Variants in RPH3A observed in about 807,000 individuals in gnomAD.
RPH3A encodes the protein rabphilin-3A.
Under a neutral mutation model 102.2 loss-of-function variants are expected in RPH3A, and 48 were observed. The ratio of observed to expected loss-of-function variants is 0.47; its 90% CI spans 0.37 to 0.60. RPH3A has a LOEUF of 0.60. Among genes scored for constraint, RPH3A ranks in the 20% least tolerant of loss-of-function variants. RPH3A has a pLI of 0.00. For missense variants in RPH3A, 781 were observed against 910.1 expected (o/e 0.86, Z 1.83); for synonymous variants, 310 against 324.3 (o/e 0.96, Z 0.47).
intron 1 of RPH3A, among the ~76,000 whole-genome samples, chr12:112,627,884 C>T (rs1041850013): frequency 2.0e-5 from 3 of 150,718 alleles, no homozygotes; most frequent in Admixed American, 6.7e-5. Flanking sequence ...CCACAGCCTG[C>T]ACAGGAAGCA....
intron 1 of RPH3A, among the ~76,000 whole-genome samples, chr12:112,667,970 G>T (rs2040099832): frequency 6.6e-6 from 1 of 152,144 alleles, no homozygotes; most frequent in Non-Finnish European, 1.5e-5. Flanking sequence ...ACCTAGTTAA[G>T]CCCACTATGT....
chr12:112,698,877 TCCC>T (rs1160677305), intron 1 of RPH3A, among the ~76,000 whole-genome samples: 3 of 139,208 alleles, frequency 2.2e-5, no homozygotes, highest in African/African-American at 8.0e-5. Flanking sequence ...CCCTTCCCCT[TCCC>T]CTTCCGCTTC....
intron 5 of RPH3A, among the ~76,000 whole-genome samples, chr12:112,848,510 GC>G (rs1284294189): frequency 6.6e-6 from 1 of 152,134 alleles, no homozygotes; most frequent in African/African-American, 2.4e-5. Context: ...ACCTCTCTGA[GC>G]CCCAGTTTGC....
intron 2 of RPH3A, among the ~76,000 whole-genome samples, chr12:112,822,240 C>T (rs139231398): frequency 9.2e-5 from 14 of 152,340 alleles, no homozygotes; most frequent in African/African-American, 2.9e-4. Flanking sequence ...TGCTGCAAAG[C>T]GTCTGGTTTA....
intron 1 of RPH3A, among the ~76,000 whole-genome samples, chr12:112,684,837 T>C (rs540214588): frequency 6.6e-6 from 1 of 152,322 alleles, no homozygotes; most frequent in South Asian, 2.1e-4. Context: ...CACAGGTCTG[T>C]AGGCTGGAAA....
intron 1 of RPH3A, among the ~76,000 whole-genome samples, chr12:112,779,663 A>T (rs4767008): frequency 6.6e-6 from 1 of 152,020 alleles, no homozygotes; most frequent in Non-Finnish European, 1.5e-5. Context: ...GTGAAGAAGT[A>T]GACTCACACT....
intron 2 of RPH3A, among the ~76,000 whole-genome samples, chr12:112,798,895 C>G (rs1338709457): frequency 6.6e-6 from 1 of 152,082 alleles, no homozygotes; most frequent in Admixed American, 6.6e-5. Flanking sequence ...CCTTTTCTCT[C>G]TCTCTCTCCG....
At chr12:112,811,842 C>A (rs1240807678) in intron 2 of RPH3A, among the ~76,000 whole-genome samples, 20 of 152,028 alleles carry the variant, frequency 1.3e-4, no homozygotes, top group Non-Finnish European at 2.8e-4. Flanking sequence ...CAAGTGATAC[C>A]AAAGGACACT....
chr12:112,575,641 C>T (rs1240732147), intron 1 of RPH3A, among the ~76,000 whole-genome samples: 1 of 152,084 alleles, frequency 6.6e-6, no homozygotes, highest in Non-Finnish European at 1.5e-5. Context: ...GCGAAGGTAG[C>T]TCCTCTCCGG....
intron 2 of RPH3A, among the ~76,000 whole-genome samples, chr12:112,795,719 G>C (rs1258073188): frequency 6.6e-6 from 1 of 152,204 alleles, no homozygotes; most frequent in Non-Finnish European, 1.5e-5. Flanking sequence ...CTTAGGGTTA[G>C]ATCTTGATCC....
At chr12:112,605,942 C>T (rs938066080) in intron 1 of RPH3A, among the ~76,000 whole-genome samples, 1 of 152,196 alleles carries the variant, frequency 6.6e-6, no homozygotes, top group Non-Finnish European at 1.5e-5. Flanking sequence ...TTGTATAACT[C>T]TTCCTAACTC....
intron 2 of RPH3A, among the ~76,000 whole-genome samples, chr12:112,806,410 G>A (rs974951345): frequency 1.3e-5 from 2 of 152,224 alleles, no homozygotes; most frequent in East Asian, 1.9e-4. Flanking sequence ...TGAGGTGGGC[G>A]GATCACTTGA....
intron 1 of RPH3A, among the ~76,000 whole-genome samples, chr12:112,673,364 T>C (rs1238233754): frequency 6.6e-6 from 1 of 152,102 alleles, no homozygotes; most frequent in Non-Finnish European, 1.5e-5. Flanking sequence ...AGGGTCTTGC[T>C]CTGTTGCCTC....
chr12:112,785,859 C>T (rs57688346), intron 1 of RPH3A, among the ~76,000 whole-genome samples: 9,481 of 152,200 alleles, frequency 0.062, 514 homozygotes, highest in African/African-American at 0.15. Context: ...CTTATGGTCA[C>T]TTTGGGCTGG....
intron 16 of RPH3A, among the ~76,000 whole-genome samples, chr12:112,886,462 G>T (rs573864784): frequency 6.6e-6 from 1 of 151,862 alleles, no homozygotes; most frequent in East Asian, 1.9e-4. Flanking sequence ...TCACAATAGG[G>T]TTTATGCTTC....
At chr12:112,726,137 T>A (rs1207143236) in intron 1 of RPH3A, among the ~76,000 whole-genome samples, 1 of 149,282 alleles carries the variant, frequency 6.7e-6, no homozygotes, top group Non-Finnish European at 1.5e-5. Context: ...GAGTGGGGGA[T>A]GGAGTCTTAC....
chr12:112,697,374 T>C (rs1413375181), intron 1 of RPH3A, among the ~76,000 whole-genome samples: 1 of 152,164 alleles, frequency 6.6e-6, no homozygotes, highest in Non-Finnish European at 1.5e-5. Context: ...TTTATGATAG[T>C]ACCAAGAACA....
intron 10 of RPH3A, chr12:112,874,705 A>G (rs998343268): frequency 2.6e-5 from 5 of 192,590 alleles, no homozygotes; most frequent in Non-Finnish European, 5.3e-5. Context: ...CATGCCAAGC[A>G]CTGTTCTGAG....
In RPH3A at chr12:112,875,100, C is replaced by A; in HGVS notation, c.813C>A (p.Asn271Lys). ...CCTCTGCAGGTTTGAGACGGGCCAACTCAGTCCAGGCCTCCAGACCTGCCC... is the reference window on the plus strand; with the variant it reads ...CCTCTGCAGGTTTGAGACGGGCCAAATCAGTCCAGGCCTCCAGACCTGCCC... The part of the protein sequence containing the change: ...SRSPAGLRRA[N>K]SVQASRPAPG... The change falls in exon 11 of 22, where the codon AAC (asparagine) becomes AAA (lysine). Residue 271 changes from asparagine (N) to lysine (K), a missense_variant. Asn to Lys is a moderately conservative substitution (Grantham distance 94, BLOSUM62 0). This residue lies in a region of RPH3A where 730 missense variants were observed against 810.0 expected (regional missense o/e 0.90). Transcript: ENST00000389385. 1 of 1,609,518 alleles carries A rather than the reference C, an allele frequency of 6.2e-7. No individual in the cohort carries two copies. The highest frequency in any genetic ancestry group is 8.5e-7 in the Non-Finnish European group (1 of 1,178,416).
Sources: allele counts gnomAD v4.1 joint callset (sites outside exome capture counted in the v4.1 genomes callset), GRCh38; gene constraint gnomAD v4.1.1; regional missense constraint gnomAD v4.1.1; transcripts MANE v1.5; gene names NCBI Gene and HGNC (gene_info 2026-07-23, HGNC 2026-07-21).